The following COP1 variants were observed in gnomAD, a reference collection of about 807,000 sequenced individuals.
COP1 encodes E3 ubiquitin-protein ligase COP1.
COP1 carries 24 observed loss-of-function variants against 101.3 expected under a neutral mutation model. The ratio of observed to expected loss-of-function variants is 0.24; its 90% confidence interval spans 0.17 to 0.33. The LOEUF (loss-of-function observed/expected upper bound fraction) is 0.33, where lower values mean the gene tolerates loss of function less well. Among genes scored for constraint, COP1 ranks in the 10% least tolerant of loss-of-function variants. COP1 has a pLI of 1.00. For synonymous variants in COP1, 347 were observed against 341.9 expected, an observed-to-expected ratio of 1.01 and a Z score of -0.17; for missense variants, 663 against 906.2, an observed-to-expected ratio of 0.73 and a Z score of 3.45.
intron 9 of COP1, among the ~76,000 whole-genome samples, chr1:176,111,076 C>T (rs373175064): frequency 2.6e-5 from 4 of 152,012 alleles, no homozygotes; most frequent in Non-Finnish European, 5.9e-5. Flanking sequence ...CACCTGAACC[C>T]GGGAGGCGGA....
At chr1:176,107,885 C>A (rs1395411816) in intron 9 of COP1, among the ~76,000 whole-genome samples, 1 of 152,066 alleles carries the variant, frequency 6.6e-6, no homozygotes, top group Admixed American at 6.5e-5. Context: ...AAACACAAGA[C>A]AAATTCAAAC....
intron 1 of COP1, among the ~76,000 whole-genome samples, chr1:176,198,319 G>T (rs1699916195): frequency 6.6e-6 from 1 of 152,084 alleles, no homozygotes; most frequent in African/African-American, 2.4e-5. Flanking sequence ...AATAAAAATT[G>T]CAGAAATAAA....
rs1482672935 is a variant in COP1 at position 176,202,192 on chromosome 1, T to A, written c.407+4380A>T. On this transcript the variant is annotated intron_variant, in intron 1 of 19. Coordinates refer to ENST00000367669, the MANE Select transcript of COP1 (RefSeq NM_022457.7). Reference sequence around the variant, plus strand: ...ATGATACGTTCTAGTTCACTTTTTTTTTTTTTTTTTTTTTGGAGACAGGGT... The same window carrying A: ...ATGATACGTTCTAGTTCACTTTTTTATTTTTTTTTTTTTTGGAGACAGGGT... Among the ~76,000 whole-genome samples, 397 of 149,308 alleles carry A rather than the reference T, an allele frequency of 2.7e-3. 4 individuals are homozygous for A. The highest frequency in any genetic ancestry group is 9.3e-3 in the African/African-American group (379 of 40,678).
At chr1:176,077,756 AAGAC>A (rs1370871709) in intron 11 of COP1, among the ~76,000 whole-genome samples, 1 of 152,170 alleles carries the variant, frequency 6.6e-6, no homozygotes, top group Non-Finnish European at 1.5e-5. Context: ...GAAAACCCTA[AAGAC>A]TCTGCCAAAA....
intron 6 of COP1, among the ~76,000 whole-genome samples, chr1:176,141,505 A>AATACATACATAC (rs201284440): frequency 6.6e-6 from 1 of 151,882 alleles, no homozygotes; most frequent in Non-Finnish European, 1.5e-5. Context: ...CATCTCAAAA[A>AATACATACATAC]ATACATACAT....
intron 15 of COP1, among the ~76,000 whole-genome samples, chr1:176,006,569 G>A (rs1019302145): frequency 5.9e-5 from 9 of 152,146 alleles, no homozygotes; most frequent in Non-Finnish European, 8.8e-5. Flanking sequence ...CTCAGCATTT[G>A]CTGGTCTGTA....
At chr1:176,135,940 A>G (rs944278014) in intron 7 of COP1, among the ~76,000 whole-genome samples, 35 of 13,580 alleles carry the variant, frequency 2.6e-3, no homozygotes, top group African/African-American at 3.1e-3. Context: ...AAAAATTACA[A>G]TACATATAAA....
intron 8 of COP1, among the ~76,000 whole-genome samples, chr1:176,122,451 A>G (rs1405879258): frequency 1.3e-5 from 2 of 152,196 alleles, no homozygotes; most frequent in African/African-American, 2.4e-5. Context: ...GGAAACTTAT[A>G]TATCATACAA....
intron 5 of COP1, among the ~76,000 whole-genome samples, chr1:176,151,762 T>C (rs1460641116): frequency 6.6e-6 from 1 of 152,206 alleles, no homozygotes; most frequent in African/African-American, 2.4e-5. Context: ...GCAAGTTAGA[T>C]GTCTTTCCAA....
At position 175,987,625 on chromosome 1, in the gene COP1, T is replaced by G. The variant is rs1192266043; in HGVS notation, c.1973-522A>C. 2.6e-5 allele frequency among the ~76,000 whole-genome samples: 4 copies of G among 152,192 alleles called. No individual in the cohort carries two copies. In the East Asian group the frequency reaches 7.7e-4, roughly 29 times the overall value. ...AATGGTCTATGAACTGTATTTTTATTTTTGAGCCATCTATTAAAGATAGAA... is the reference window on the plus strand; with the variant it reads ...AATGGTCTATGAACTGTATTTTTATGTTTGAGCCATCTATTAAAGATAGAA... On this transcript the variant is annotated intron_variant, in intron 17 of 19. Coordinates refer to ENST00000367669, the MANE Select transcript of COP1 (RefSeq NM_022457.7).
At chr1:175,994,269 C>G (rs528569951) in intron 15 of COP1, among the ~76,000 whole-genome samples, 10,454 of 151,996 alleles carry the variant, frequency 0.069, 440 homozygotes, top group Admixed American at 0.086. Flanking sequence ...AGGAACAACC[C>G]ATACCAGCCA....
intron 4 of COP1, 138 bp from the exon 5 acceptor site, chr1:176,163,126 C>G: frequency 1.3e-6 from 1 of 769,730 alleles, no homozygotes; most frequent in Non-Finnish European, 1.9e-6. Context: ...CAAACTACCC[C>G]TTCCTAGCTA....
intron 11 of COP1, among the ~76,000 whole-genome samples, chr1:176,071,710 G>T (rs530856636): frequency 3.3e-5 from 5 of 152,184 alleles, no homozygotes; most frequent in Non-Finnish European, 7.3e-5. Flanking sequence ...TGACTACAAA[G>T]ATCTTCCTTA....
At chr1:176,098,546 TTC>T (rs1287438706) in intron 9 of COP1, among the ~76,000 whole-genome samples, 3 of 152,324 alleles carry the variant, frequency 2.0e-5, no homozygotes, top group African/African-American at 7.2e-5. Flanking sequence ...CCAAAATAAA[TTC>T]TCTGTGTTAA....
rs749295219 is a variant in COP1 at position 176,162,841 on chromosome 1, ATT to A, written c.762+26_762+27del. ...ATTGCAATAAAGTTCATCATTTAAA[ATT>A]TTTTTTAAGTTTAGCTACCACTTAC... On this transcript the variant is annotated intron_variant, in intron 5 of 19. Coordinates refer to ENST00000367669, the MANE Select transcript of COP1 (RefSeq NM_022457.7). 3.2e-6 allele frequency: 5 copies of A among 1,555,350 alleles called. No homozygotes were observed. In the African/African-American group the frequency reaches 5.5e-5, roughly 17 times the overall value.
At chr1:176,121,020 T>G (rs936613852) in intron 8 of COP1, among the ~76,000 whole-genome samples, 1 of 151,972 alleles carries the variant, frequency 6.6e-6, no homozygotes, top group African/African-American at 2.4e-5. Flanking sequence ...TGCCATGTAC[T>G]CACATAAAAT....
chr1:176,082,126 T>C (rs1553254810), intron 10 of COP1, among the ~76,000 whole-genome samples: 1 of 152,172 alleles, frequency 6.6e-6, no homozygotes, highest in Non-Finnish European at 1.5e-5. Context: ...AGCATAGATT[T>C]AAAAAATCAT....
intron 1 of COP1, among the ~76,000 whole-genome samples, chr1:176,188,023 T>C (rs537549603): frequency 1.3e-5 from 2 of 152,104 alleles, no homozygotes; most frequent in South Asian, 4.2e-4. Flanking sequence ...CTCCATGAGA[T>C]CAGGCAGATC....
chr1:176,012,590 C>A (rs558486725), intron 15 of COP1, among the ~76,000 whole-genome samples: 1 of 152,180 alleles, frequency 6.6e-6, no homozygotes, highest in Non-Finnish European at 1.5e-5. Flanking sequence ...TTCATATTCA[C>A]TCACCACTCA....
Sources: allele counts gnomAD v4.1 joint callset (sites outside exome capture counted in the v4.1 genomes callset), GRCh38; gene constraint gnomAD v4.1.1; transcripts MANE v1.5; gene names NCBI Gene and HGNC (gene_info 2026-07-23, HGNC 2026-07-21).